CTNNA3: variants seen among roughly 807,000 people sequenced by gnomAD.
CTNNA3 encodes the protein catenin alpha 3.
CTNNA3 carries 76 observed loss-of-function variants against 95.7 expected under a neutral mutation model. That is an observed-to-expected ratio of 0.79 (90% confidence interval 0.66 to 0.96). CTNNA3 has a LOEUF of 0.96. Ranked by LOEUF, CTNNA3 falls within the 40% of genes least tolerant of loss-of-function variation. CTNNA3 has a pLI of 0.00. For synonymous variants in CTNNA3, 431 were observed against 374.4 expected, an observed-to-expected ratio of 1.15 and a Z score of -1.74; for missense variants, 1,191 against 1,089.8, an observed-to-expected ratio of 1.09 and a Z score of -1.31.
intron 7 of CTNNA3, among the ~76,000 whole-genome samples, chr10:67,066,865 T>C (rs1856126589): frequency 6.6e-6 from 1 of 152,224 alleles, no homozygotes; most frequent in South Asian, 2.1e-4. Flanking sequence ...CTGCCTTTAA[T>C]TTAATTTTAA....
intron 5 of CTNNA3, among the ~76,000 whole-genome samples, chr10:67,321,313 C>T (rs941391600): frequency 6.6e-6 from 1 of 152,200 alleles, no homozygotes; most frequent in Non-Finnish European, 1.5e-5. Flanking sequence ...AACATTCTAA[C>T]TTCTTTACAC....
chr10:65,981,217 A>C (rs549402240), intron 16 of CTNNA3, among the ~76,000 whole-genome samples: 1 of 152,218 alleles, frequency 6.6e-6, no homozygotes, highest in South Asian at 2.1e-4. Flanking sequence ...GCTGAGAATT[A>C]AATCAAGAAC....
chr10:66,623,500 T>C (rs1272488534), intron 9 of CTNNA3, among the ~76,000 whole-genome samples: 1 of 152,134 alleles, frequency 6.6e-6, no homozygotes, highest in East Asian at 1.9e-4. Flanking sequence ...TGACATAGTA[T>C]AGAAATTATG....
chr10:66,980,143 A>T (rs968065115), intron 7 of CTNNA3, among the ~76,000 whole-genome samples: 8 of 152,298 alleles, frequency 5.3e-5, no homozygotes, highest in African/African-American at 1.9e-4. Flanking sequence ...TTTCTGAGCC[A>T]GGAAGGCAGA....
chr10:67,413,133 G>A (rs996576094), intron 5 of CTNNA3, among the ~76,000 whole-genome samples: 9 of 151,976 alleles, frequency 5.9e-5, no homozygotes, highest in Non-Finnish European at 8.8e-5. Context: ...CAAACTCAAC[G>A]TAAAAGTATG....
chr10:66,226,362 A>G (rs1232816179), intron 13 of CTNNA3, among the ~76,000 whole-genome samples: 1 of 152,136 alleles, frequency 6.6e-6, no homozygotes. Context: ...AATTGGCTAT[A>G]CATACGTGGA....
At chr10:66,732,800 CT>C (rs532459216) in intron 9 of CTNNA3, among the ~76,000 whole-genome samples, 15 of 148,618 alleles carry the variant, frequency 1.0e-4, no homozygotes, top group African/African-American at 3.0e-4. Flanking sequence ...CATACCTTTT[CT>C]TTTTTTTTTA....
At chr10:66,637,539 T>C (rs1564585271) in intron 9 of CTNNA3, among the ~76,000 whole-genome samples, 1 of 152,222 alleles carries the variant, frequency 6.6e-6, no homozygotes, top group Non-Finnish European at 1.5e-5. Context: ...ACCTGGAGCC[T>C]TTCAAACCGT....
intron 13 of CTNNA3, among the ~76,000 whole-genome samples, chr10:66,163,720 G>A (rs2084972855): frequency 6.6e-6 from 1 of 152,040 alleles, no homozygotes. Flanking sequence ...TATATTTTTT[G>A]GCAGTGATGC....
chr10:66,086,248 A>G (rs1302262470), intron 14 of CTNNA3, among the ~76,000 whole-genome samples: 8 of 152,166 alleles, frequency 5.3e-5, no homozygotes, highest in African/African-American at 1.9e-4. Context: ...AGCCATGTCT[A>G]TAAATGAGCA....
intron 5 of CTNNA3, among the ~76,000 whole-genome samples, chr10:67,410,263 C>T (rs942851826): frequency 6.6e-6 from 1 of 151,922 alleles, no homozygotes; most frequent in African/African-American, 2.4e-5. Flanking sequence ...GAACTGAAAA[C>T]CAAACACCAA....
chr10:67,231,482 AACTAACAAACAGAAAGGACATCC>A (rs1490784156), intron 5 of CTNNA3, among the ~76,000 whole-genome samples: 1 of 152,214 alleles, frequency 6.6e-6, no homozygotes. Context: ...TTAGAAGGAA[AACTAACAAACAGAAAGGACATCC>A]ACACCAAAAA....
intron 13 of CTNNA3, among the ~76,000 whole-genome samples, chr10:66,247,039 A>C (rs886299078): frequency 2.1e-5 from 2 of 94,560 alleles, no homozygotes; most frequent in African/African-American, 4.3e-5. Flanking sequence ...ACACAGCAAG[A>C]CTCCATCTCA....
chr10:67,489,490 T>C (rs1309800547), intron 5 of CTNNA3, among the ~76,000 whole-genome samples: 1 of 152,148 alleles, frequency 6.6e-6, no homozygotes, highest in East Asian at 1.9e-4. Context: ...CTTTGCTCTT[T>C]TGACAGTAAC....
chr10:67,024,650 C>A (rs1427013302), intron 7 of CTNNA3, among the ~76,000 whole-genome samples: 1 of 152,058 alleles, frequency 6.6e-6, no homozygotes, highest in Non-Finnish European at 1.5e-5. Flanking sequence ...GTGTAACCAG[C>A]AAAAGTTACC....
chr10:66,724,830 T>A (rs10822902), intron 9 of CTNNA3, among the ~76,000 whole-genome samples: 4,333 of 152,224 alleles, frequency 0.028, 193 homozygotes, highest in East Asian at 0.23. Context: ...AAACCTGTAA[T>A]CAACAAATAT....
intron 7 of CTNNA3, among the ~76,000 whole-genome samples, chr10:67,011,266 A>G (rs897339334): frequency 7.9e-5 from 12 of 151,648 alleles, no homozygotes; most frequent in African/African-American, 2.9e-4. Context: ...GCTTGAACCC[A>G]GCAGACGGAG....
chr10:67,157,472 A>G (rs1006573344), intron 7 of CTNNA3, among the ~76,000 whole-genome samples: 1 of 152,176 alleles, frequency 6.6e-6, no homozygotes, highest in Non-Finnish European at 1.5e-5. Context: ...ATAATTACAA[A>G]TCCCTTAAAC....
At chr10:67,049,360 T>C (rs1329217587) in intron 7 of CTNNA3, among the ~76,000 whole-genome samples, 1 of 152,096 alleles carries the variant, frequency 6.6e-6, no homozygotes, top group Non-Finnish European at 1.5e-5. Flanking sequence ...CAAATCCCAT[T>C]ATCCAATAAG....
Sources: gnomAD v4.1 joint callset for allele counts (sites outside exome capture counted in the v4.1 genomes callset) on GRCh38, gnomAD v4.1.1 for gene constraint, MANE v1.5 for transcripts, NCBI Gene and HGNC (gene_info 2026-07-23, HGNC 2026-07-21) for gene names.